FOXP1: variants seen among roughly 807,000 people sequenced by gnomAD.
The protein encoded by FOXP1 is forkhead box protein P1.
A neutral mutation model predicts 98.2 loss-of-function variants in FOXP1; 15 were observed. That is an observed-to-expected ratio of 0.15 (90% CI 0.10 to 0.24). FOXP1 has a LOEUF of 0.24. Among genes scored for constraint, FOXP1 ranks in the 10% least tolerant of loss-of-function variants. The probability of loss-of-function intolerance (pLI) is 1.00; values close to 1 mark genes in which losing one functional copy is unlikely to be tolerated. For missense variants in FOXP1, 633 were observed against 848.5 expected, an observed-to-expected ratio of 0.75 and a Z score of 3.15; for synonymous variants, 371 against 314.5, an observed-to-expected ratio of 1.18 and a Z score of -1.90.
At chr3:71,395,129 A>T (rs920694432) in intron 3 of FOXP1, among the ~76,000 whole-genome samples, 4 of 149,190 alleles carry the variant, frequency 2.7e-5, no homozygotes, top group African/African-American at 9.9e-5. Flanking sequence ...AAAAAAATTG[A>T]ACTGGATAAT....
Position 71,583,648 on chromosome 3 carries a change from C to T in FOXP1, c.-524G>A. The T allele has an allele frequency of 2.0e-6, 2 of 984,502 alleles. No homozygotes were observed. The highest frequency in any genetic ancestry group is 2.4e-6 in the Non-Finnish European group (2 of 829,662). 61.0% of individuals were successfully genotyped at this position (984,502 alleles called of 1,614,324 possible). On this transcript the variant is annotated 5_prime_UTR_variant, in exon 1 of 21. Transcript: ENST00000649528. ...GCGCGCGCCCACTCCCGCCCGCGCGCGCACCCCGCGCACACACTCACTCGC... is the reference window on the plus strand; with the variant it reads ...GCGCGCGCCCACTCCCGCCCGCGCGTGCACCCCGCGCACACACTCACTCGC...
chr3:70,985,970 G>A (rs770155837), intron 14 of FOXP1, among the ~76,000 whole-genome samples: 6 of 152,126 alleles, frequency 3.9e-5, no homozygotes, highest in Admixed American at 6.5e-5. Flanking sequence ...AAAAATATTC[G>A]TGCCGATTTC....
chr3:71,129,365 T>C (rs2059425464), intron 6 of FOXP1, among the ~76,000 whole-genome samples: 2 of 152,268 alleles, frequency 1.3e-5, no homozygotes, highest in Admixed American at 6.5e-5. Flanking sequence ...CACACACACA[T>C]ACATACAATT....
intron 2 of FOXP1, among the ~76,000 whole-genome samples, chr3:71,501,292 T>C (rs370985332): frequency 7.5e-6 from 1 of 132,834 alleles, no homozygotes; most frequent in South Asian, 2.2e-4. Context: ...GAAATGCTTT[T>C]CTTTTTTTTT....
intron 2 of FOXP1, among the ~76,000 whole-genome samples, chr3:71,556,444 G>A (rs1300189514): frequency 1.3e-5 from 2 of 151,974 alleles, no homozygotes; most frequent in African/African-American, 4.8e-5. Context: ...GGGCGTGGTG[G>A]CAGGTGCCTG....
intron 2 of FOXP1, among the ~76,000 whole-genome samples, chr3:71,506,046 C>CT (rs528925859): frequency 1.3e-5 from 2 of 152,182 alleles, no homozygotes; most frequent in Non-Finnish European, 2.9e-5. Flanking sequence ...CAATAAGAGC[C>CT]TTGTCACCGG....
chr3:71,516,020 T>C (rs1357588694), intron 2 of FOXP1, among the ~76,000 whole-genome samples: 4 of 152,166 alleles, frequency 2.6e-5, no homozygotes, highest in African/African-American at 9.7e-5. Flanking sequence ...TACAAACTTA[T>C]AAAAGAGAGT....
chr3:71,148,926 G>A (rs562122336), intron 6 of FOXP1, among the ~76,000 whole-genome samples: 5 of 152,292 alleles, frequency 3.3e-5, no homozygotes, highest in Admixed American at 6.5e-5. Context: ...AGTTCAAAAA[G>A]GAGGCAAGGG....
chr3:71,005,575 A>G (rs1009502925), intron 12 of FOXP1, among the ~76,000 whole-genome samples: 5 of 152,128 alleles, frequency 3.3e-5, no homozygotes, highest in African/African-American at 1.2e-4. Flanking sequence ...TCATGGATGG[A>G]AAACACATTT....
intron 2 of FOXP1, among the ~76,000 whole-genome samples, chr3:71,527,983 GTCAT>G (rs2043530407): frequency 6.6e-6 from 1 of 152,162 alleles, no homozygotes; most frequent in South Asian, 2.1e-4. Context: ...CAGACTTTGG[GTCAT>G]TCAAAGAGAA....
chr3:71,514,525 A>G (rs975785474), intron 2 of FOXP1, among the ~76,000 whole-genome samples: 1 of 152,328 alleles, frequency 6.6e-6, no homozygotes. Context: ...TTTATCCCAC[A>G]TGCCTGGAAC....
chr3:71,327,318 G>GCAGCCTTCTTGGCTGC (rs368201258), intron 4 of FOXP1, among the ~76,000 whole-genome samples: 1 of 145,540 alleles, frequency 6.9e-6, no homozygotes, highest in African/African-American at 2.5e-5. Flanking sequence ...ACTCAATGAA[G>GCAGCCTTCTTGGCTGC]AGATTATTGT....
chr3:70,966,547 A>C (rs2034825134), intron 19 of FOXP1, among the ~76,000 whole-genome samples: 1 of 152,122 alleles, frequency 6.6e-6, no homozygotes, highest in Non-Finnish European at 1.5e-5. Context: ...CCTATAGAAA[A>C]GGAAGAGATT....
intron 12 of FOXP1, among the ~76,000 whole-genome samples, chr3:71,004,389 C>T (rs9871627): frequency 0.011 from 1,635 of 152,100 alleles, 41 homozygotes; most frequent in African/African-American, 0.037. Flanking sequence ...TTCTGATAAT[C>T]CTGTTCTTTT....
intron 4 of FOXP1, among the ~76,000 whole-genome samples, chr3:71,345,173 A>G (rs1225914953): frequency 3.9e-5 from 6 of 152,042 alleles, no homozygotes; most frequent in Admixed American, 6.6e-5. Flanking sequence ...GCAGATCTCA[A>G]AGTCAGGAGA....
intron 4 of FOXP1, among the ~76,000 whole-genome samples, chr3:71,341,461 G>A (rs1040071008): frequency 5.3e-5 from 8 of 152,196 alleles, no homozygotes; most frequent in Non-Finnish European, 8.8e-5. Context: ...ATTTATAGCT[G>A]TAAATACCTA....
At chr3:71,442,886 ATT>A (rs60028789) in intron 3 of FOXP1, among the ~76,000 whole-genome samples, 4 of 151,098 alleles carry the variant, frequency 2.6e-5, no homozygotes, top group African/African-American at 4.9e-5. Context: ...ATCTTTTTTT[ATT>A]TTTTTTTTAT....
At chr3:71,533,814 A>AC (rs1578054435) in intron 2 of FOXP1, among the ~76,000 whole-genome samples, 1 of 152,250 alleles carries the variant, frequency 6.6e-6, no homozygotes, top group East Asian at 1.9e-4. Flanking sequence ...CCAGAGAGCT[A>AC]CAAGAAATAC....
intron 6 of FOXP1, among the ~76,000 whole-genome samples, chr3:71,182,092 A>G (rs898856523): frequency 1.3e-5 from 2 of 152,064 alleles, no homozygotes; most frequent in Non-Finnish European, 2.9e-5. Flanking sequence ...TTTTTTAAAA[A>G]TCCATACTCT....
Sources: gnomAD v4.1 joint callset for allele counts (sites outside exome capture counted in the v4.1 genomes callset) on GRCh38, gnomAD v4.1.1 for gene constraint, MANE v1.5 for transcripts, NCBI Gene and HGNC (gene_info 2026-07-23, HGNC 2026-07-21) for gene names.